Variants in ZNF518A observed in about 807,000 individuals in gnomAD.
ZNF518A encodes the protein zinc finger protein 518.
In ZNF518A, 47 loss-of-function variants were observed where a neutral mutation model predicts 102.7. The ratio of observed to expected loss-of-function variants is 0.46; its 90% CI spans 0.36 to 0.58. ZNF518A has a LOEUF of 0.58. ZNF518A is among the 20% of genes least tolerant of loss of function. ZNF518A has a pLI of 0.00. For missense variants in ZNF518A, 1,793 were observed against 1,699.8 expected (o/e 1.05, Z -0.96); for synonymous variants, 652 against 594.6 (o/e 1.10, Z -1.40).
At chr10:96,188,224 C>T (rs1312266386) in intron 1 of ZNF518A, among the ~76,000 whole-genome samples, 2 of 152,184 alleles carry the variant, frequency 1.3e-5, no homozygotes, top group Non-Finnish European at 2.9e-5. Flanking sequence ...TGGGATCACC[C>T]TCAGTGGACT....
In ZNF518A at chr10:96,158,679, T is replaced by G. The variant is rs1554884962; in HGVS notation, c.2357T>G (p.Leu786Trp). Residue 786 changes from leucine to tryptophan, a missense_variant, in exon 6 of 6, where the codon TTG becomes TGG. Transcript: ENST00000316045. ...SEFLPPEVNQ[L>W]LQDVLKIKPD... is the part of the protein sequence containing the mutation. ...TTTCTGCCACCTGAAGTAAACCAAT[T>G]GCTTCAGGATGTATTGAAAATAAAA... 1 of 1,613,238 alleles carries G rather than the reference T, an allele frequency of 6.2e-7. No homozygotes were observed. Among genetic ancestry groups the G allele is most frequent in the Non-Finnish European group, 8.5e-7 (1 of 1,179,562 alleles).
intron 3 of ZNF518A, among the ~76,000 whole-genome samples, chr10:96,146,200 T>A (rs1248275610): frequency 6.6e-6 from 1 of 152,240 alleles, no homozygotes; most frequent in Non-Finnish European, 1.5e-5. Flanking sequence ...TACAATACTG[T>A]AATTGATTTA....
At position 96,157,651 on chromosome 10, in the gene ZNF518A, G is replaced by A. The variant is rs782819869; in HGVS notation, c.1329G>A (p.Thr443=). The change falls in exon 6 of 6, where the codon ACG becomes ACA. Residue 443 remains threonine (T), a synonymous_variant. Coordinates refer to ENST00000316045, the MANE Select transcript of ZNF518A (RefSeq NM_001330736.2). ...CAGTTTCCCCTAACTATAATGCTAC[G>A]TTTATGGGCTTCAAGATGATGGATG... ...KLAVSPNYNA[T]FMGFKMMDGK... The A allele has an allele frequency of 2.2e-5, 35 of 1,613,702 alleles. No individual in the cohort carries two copies. The highest frequency in any genetic ancestry group is 3.3e-4 in the Middle Eastern group (2 of 6,084).
intron 3 of ZNF518A, among the ~76,000 whole-genome samples, chr10:96,144,888 T>C (rs1554877827): frequency 6.6e-6 from 1 of 152,200 alleles, no homozygotes; most frequent in Non-Finnish European, 1.5e-5. Flanking sequence ...ATGCTGCATA[T>C]TGCAAAAATT....
intron 1 of ZNF518A, chr10:96,189,746 C>A: frequency 1.4e-6 from 1 of 740,174 alleles, no homozygotes; most frequent in Non-Finnish European, 2.4e-6. Flanking sequence ...TCATCAGCAG[C>A]AAGTTTTACT....
At position 96,157,848 on chromosome 10, in the gene ZNF518A, A is replaced by G; in HGVS notation, c.1526A>G (p.Lys509Arg). 1 of 1,613,886 alleles carries G rather than the reference A, an allele frequency of 6.2e-7. No individual in the cohort carries two copies. Among genetic ancestry groups the G allele is most frequent in the South Asian group, 1.1e-5 (1 of 91,076 alleles). Reference sequence around the variant, plus strand: ...GAGTTAAATGACACAGTTTATATGAAAGCAGCTACTCCATTTTCATGTTCA... The same window carrying G: ...GAGTTAAATGACACAGTTTATATGAGAGCAGCTACTCCATTTTCATGTTCA... ...TTELNDTVYM[K>R]AATPFSCSSS... Residue 509 changes from lysine (K) to arginine (R), a missense_variant, in exon 6 of 6, where the codon AAA becomes AGA. Transcript: ENST00000316045.
chr10:96,189,731 C>CATCA, intron 1 of ZNF518A: 1 of 726,442 alleles, frequency 1.4e-6, no homozygotes, highest in Non-Finnish European at 2.5e-6. Context: ...TCATCATCAT[C>CATCA]ATCTTCATCA....
Position 96,160,527 on chromosome 10 carries a change from A to G in ZNF518A, c.4205A>G (p.Asp1402Gly), listed in dbSNP as rs587720214. The G allele has an allele frequency of 1.2e-6, 2 of 1,612,266 alleles. No homozygotes were observed. The highest frequency in any genetic ancestry group is 1.3e-5 in the African/African-American group (1 of 74,940). ...CYNPPKTTYD[D>G]FSKRHKTFKP... ...AACCCTCCTAAAACAACTTATGATG[A>G]TTTTTCCAAGAGGCACAAAACATTT... The change falls in exon 6 of 6, where the codon GAT becomes GGT. Residue 1402 changes from aspartate (D) to glycine (G), a missense_variant. Around this residue, in one of 3 missense-constraint regions of ZNF518A, gnomAD observed 1,741 missense variants for 1,622.6 expected, o/e 1.07. Coordinates refer to ENST00000316045, the MANE Select transcript of ZNF518A (RefSeq NM_001330736.2).
At chr10:96,150,583 T>G (rs1364034886) in intron 3 of ZNF518A, among the ~76,000 whole-genome samples, 2 of 151,492 alleles carry the variant, frequency 1.3e-5, no homozygotes, top group East Asian at 1.9e-4. Context: ...TTTCTCATTT[T>G]CAAAATCATT....
rs111472560 is a variant in ZNF518A at position 96,193,819 on chromosome 10, T to C, written n.36-9755T>C. On this transcript the variant is annotated intron_variant and non_coding_transcript_variant, in intron 1 of 2. Transcript: ENST00000442635. Reference sequence around the variant, plus strand: ...ATGAATTGGTTACTTTTTCTAGCCATGTACACACAAATACACACAGACTTT... The same window carrying C: ...ATGAATTGGTTACTTTTTCTAGCCACGTACACACAAATACACACAGACTTT... Among the ~76,000 whole-genome samples, 248 of 152,340 alleles carry C rather than the reference T, an allele frequency of 1.6e-3. 3 individuals are homozygous for C. The highest frequency in any genetic ancestry group is 5.6e-3 in the African/African-American group (234 of 41,572).
At chr10:96,189,866 A>T in intron 1 of ZNF518A, 1 of 1,203,552 alleles carries the variant, frequency 8.3e-7, no homozygotes, top group Non-Finnish European at 1.2e-6. Context: ...ATCTTCCTCC[A>T]CAGCTACTAA....
intron 3 of ZNF518A, among the ~76,000 whole-genome samples, chr10:96,149,617 T>C (rs2082335003): frequency 6.6e-6 from 1 of 152,220 alleles, no homozygotes; most frequent in Non-Finnish European, 1.5e-5. Flanking sequence ...CTCGTAAAGA[T>C]TCAGAATGTA....
In ZNF518A at chr10:96,157,554, G is replaced by A; in HGVS notation, c.1232G>A (p.Ser411Asn). 6.2e-7 allele frequency: 1 copy of A among 1,613,834 alleles called. No homozygotes were observed. Among genetic ancestry groups the A allele is most frequent in the Non-Finnish European group, 8.5e-7 (1 of 1,179,786 alleles). Reference sequence around the variant, plus strand: ...AGAGCTGAAGAGGGACCAAACGCTAGTTCAGGTTTCATGAAGACTGCTGTA... The same window carrying A: ...AGAGCTGAAGAGGGACCAAACGCTAATTCAGGTTTCATGAAGACTGCTGTA... Reference protein sequence around the residue: ...GNRAEEGPNASSGFMKTAVLG... With the variant: ...GNRAEEGPNANSGFMKTAVLG... The change falls in exon 6 of 6, where the codon AGT becomes AAT. Residue 411 changes from serine to asparagine, a missense_variant. Physicochemically the swap from Ser to Asn is conservative, Grantham distance 46. Transcript: ENST00000316045.
downstream of ZNF518A, chr10:96,204,587 C>T (rs782591914): frequency 5.0e-6 from 8 of 1,613,936 alleles, no homozygotes; most frequent in African/African-American, 1.1e-4. Flanking sequence ...TGACTTGACC[C>T]TCGGTGGCGT....
At position 96,160,336 on chromosome 10, in the gene ZNF518A, G is replaced by A. The variant is rs1554887124; in HGVS notation, c.4014G>A (p.Val1338=). 6.2e-7 allele frequency: 1 copy of A among 1,613,696 alleles called. No individual in the cohort carries two copies. Among genetic ancestry groups the A allele is most frequent in the Non-Finnish European group, 8.5e-7 (1 of 1,179,674 alleles). The part of the protein sequence containing the change: ...RLFPFSSKQL[V]KCPRRNQPVV... ...TCCCTTTTAGTTCTAAACAGCTTGT[G>A]AAATGTCCTAGGAGAAACCAACCAG... The change falls in exon 6 of 6, where the codon GTG becomes GTA. Residue 1338 remains valine (V), a synonymous_variant. Transcript: ENST00000316045.
At chr10:96,151,058 G>A (rs1335009159) in intron 3 of ZNF518A, among the ~76,000 whole-genome samples, 1 of 152,046 alleles carries the variant, frequency 6.6e-6, no homozygotes, top group Non-Finnish European at 1.5e-5. Context: ...CAGCCTTACT[G>A]CAGTAACTTT....
At chr10:96,176,454 C>T (rs1488848640) in intron 1 of ZNF518A, among the ~76,000 whole-genome samples, 1 of 152,172 alleles carries the variant, frequency 6.6e-6, no homozygotes, top group African/African-American at 2.4e-5. Flanking sequence ...GCGGGAAAAG[C>T]ATGAAGAAAA....
chr10:96,199,588 A>C, intron 1 of ZNF518A: 1 of 451,934 alleles, frequency 2.2e-6, no homozygotes. Context: ...GAAAGAGAGG[A>C]GGGGATAGCA....
intron 1 of ZNF518A, chr10:96,197,172 T>G: frequency 1.3e-6 from 1 of 795,514 alleles, no homozygotes; most frequent in Non-Finnish European, 1.9e-6. Context: ...CAAAGGTAAA[T>G]TATTTAGCTA....
Sources: gnomAD v4.1 joint callset for allele counts (sites outside exome capture counted in the v4.1 genomes callset) on GRCh38, gnomAD v4.1.1 for gene constraint, gnomAD v4.1.1 regional missense constraint, MANE v1.5 for transcripts, NCBI Gene and HGNC (gene_info 2026-07-23, HGNC 2026-07-21) for gene names.